Variants in PCDH17 observed in about 807,000 individuals in gnomAD.
PCDH17 encodes protocadherin-17.
In PCDH17, 21 loss-of-function variants were observed where a neutral mutation model predicts 67.7. That is an observed-to-expected ratio of 0.31 (90% CI 0.22 to 0.45). The LOEUF (loss-of-function observed/expected upper bound fraction) is 0.45. Among genes scored for constraint, PCDH17 ranks in the 20% least tolerant of loss-of-function variants. The pLI is 1.00. For synonymous variants in PCDH17, 701 were observed against 656.7 expected (o/e 1.07, Z -1.03); for missense variants, 1,471 against 1,564.8 (o/e 0.94, Z 1.01).
intron 3 of PCDH17, among the ~76,000 whole-genome samples, chr13:57,706,415 T>TGA (rs1955721945): frequency 6.6e-6 from 1 of 152,218 alleles, no homozygotes; most frequent in Non-Finnish European, 1.5e-5. Context: ...AGCAGTGTTT[T>TGA]TATTGCTATG....
At chr13:57,701,694 G>A (rs772201651) in intron 3 of PCDH17, among the ~76,000 whole-genome samples, 2 of 152,048 alleles carry the variant, frequency 1.3e-5, no homozygotes, top group African/African-American at 2.4e-5. Flanking sequence ...AGAGAAGTAT[G>A]GTGATAGGTG....
intron 1 of PCDH17, among the ~76,000 whole-genome samples, chr13:57,652,936 G>C (rs540067452): frequency 6.6e-6 from 1 of 152,066 alleles, no homozygotes; most frequent in Non-Finnish European, 1.5e-5. Flanking sequence ...CACTTTGGAG[G>C]AGAATTCTTT....
chr13:57,691,968 T>C (rs1955563491), intron 3 of PCDH17, among the ~76,000 whole-genome samples: 1 of 151,236 alleles, frequency 6.6e-6, no homozygotes, highest in South Asian at 2.1e-4. Context: ...GCTTATTAAA[T>C]TTTAATACAA....
Position 57,724,969 on chromosome 13 carries a change from G to T in PCDH17, c.3155G>T (p.Gly1052Val). Reference sequence around the variant, plus strand: ...ATCGAGCCTTGCACCTCAACAAAAGGCTCCCTGGATGGCTGTGAAGCAAAA... The same window carrying T: ...ATCGAGCCTTGCACCTCAACAAAAGTCTCCCTGGATGGCTGTGAAGCAAAA... ...ACIEPCTSTK[G>V]SLDGCEAKPG... Residue 1052 changes from glycine to valine, a missense_variant, in exon 4 of 4, where the codon GGC (glycine) becomes GTC (valine). Physicochemically the swap from Gly to Val is moderately radical, Grantham distance 109. Transcript: ENST00000377918. 1.9e-6 allele frequency: 3 copies of T among 1,614,110 alleles called. No individual in the cohort carries two copies. The highest frequency in any genetic ancestry group is 2.5e-6 in the Non-Finnish European group (3 of 1,180,014).
intron 1 of PCDH17, among the ~76,000 whole-genome samples, chr13:57,664,919 A>G (rs1955231056): frequency 6.6e-6 from 1 of 152,192 alleles, no homozygotes; most frequent in South Asian, 2.1e-4. Context: ...ATATTTTGTC[A>G]TTATGGAAAC....
At chr13:57,684,332 A>C (rs1380555170) in intron 3 of PCDH17, among the ~76,000 whole-genome samples, 1 of 152,076 alleles carries the variant, frequency 6.6e-6, no homozygotes, top group South Asian at 2.1e-4. Context: ...ACATATATAT[A>C]AACACACATT....
At chr13:57,654,225 A>G (rs1428145943) in intron 1 of PCDH17, among the ~76,000 whole-genome samples, 2 of 152,136 alleles carry the variant, frequency 1.3e-5, no homozygotes, top group African/African-American at 4.8e-5. Context: ...TTTGTGGTTC[A>G]TGAAATTCTC....
chr13:57,709,166 G>A (rs1380073910), intron 3 of PCDH17, among the ~76,000 whole-genome samples: 1 of 151,258 alleles, frequency 6.6e-6, no homozygotes, highest in Non-Finnish European at 1.5e-5. Flanking sequence ...TTAGGTGACT[G>A]AGTAAAGGGC....
upstream of PCDH17, among the ~76,000 whole-genome samples, chr13:57,630,757 T>A (rs1450091917): frequency 6.6e-6 from 1 of 152,166 alleles, no homozygotes; most frequent in Admixed American, 6.5e-5. Flanking sequence ...TTCTATAGAC[T>A]GAGTCAGAGA....
At chr13:57,657,768 T>G (rs1955126138) in intron 1 of PCDH17, among the ~76,000 whole-genome samples, 1 of 152,218 alleles carries the variant, frequency 6.6e-6, no homozygotes, top group Non-Finnish European at 1.5e-5. Context: ...TTTTTCAAAA[T>G]TTTATTTCTG....
chr13:57,681,460 C>T (rs1326305303), intron 3 of PCDH17, among the ~76,000 whole-genome samples: 1 of 151,640 alleles, frequency 6.6e-6, no homozygotes, highest in Non-Finnish European at 1.5e-5. Flanking sequence ...ACTCCTGAGA[C>T]TCATATCTGG....
chr13:57,698,679 T>G (rs1955634205), intron 3 of PCDH17, among the ~76,000 whole-genome samples: 1 of 126,750 alleles, frequency 7.9e-6, no homozygotes, highest in African/African-American at 3.1e-5. Context: ...CCAACATATT[T>G]TCTCTCACTC....
At chr13:57,681,823 C>A (rs538908550) in intron 3 of PCDH17, among the ~76,000 whole-genome samples, 2 of 151,782 alleles carry the variant, frequency 1.3e-5, no homozygotes, top group Middle Eastern at 6.8e-3. Flanking sequence ...TAAATAAGAT[C>A]ACTTTTTATT....
intron 1 of PCDH17, among the ~76,000 whole-genome samples, chr13:57,638,298 G>A (rs1954849457): frequency 6.6e-6 from 1 of 152,032 alleles, no homozygotes; most frequent in South Asian, 2.1e-4. Context: ...AAGAATAACT[G>A]CTTATCGTGA....
chr13:57,633,362 A>G lies in PCDH17; in HGVS notation c.816A>G (p.Glu272=), dbSNP rs1954759481. The G allele has an allele frequency of 2.5e-6, 4 of 1,613,252 alleles. No homozygotes were observed. Among genetic ancestry groups the G allele is most frequent in the Non-Finnish European group, 3.4e-6 (4 of 1,180,002 alleles). ...ATCTGAACGCCACCGACGCCGATGAAGGTCCCAATGGTGAAGTGCTCTACT... is the reference window on the plus strand; with the variant it reads ...ATCTGAACGCCACCGACGCCGATGAGGGTCCCAATGGTGAAGTGCTCTACT... ...VIDLNATDAD[E]GPNGEVLYSF... is the part of the protein sequence containing the mutation. The change falls in exon 1 of 4, where the codon GAA becomes GAG. Residue 272 remains glutamate, a synonymous_variant. Transcript: ENST00000377918. The surrounding 1 kb of genome is among the most constrained non-coding windows in gnomAD (Gnocchi z 6.2).
In PCDH17 at chr13:57,633,478, A is replaced by G; in HGVS notation, c.932A>G (p.Tyr311Cys). 1.2e-6 allele frequency: 2 copies of G among 1,613,810 alleles called. No homozygotes were observed. The highest frequency in any genetic ancestry group is 1.7e-6 in the Non-Finnish European group (2 of 1,180,010). The stretch of plus-strand genomic sequence containing the variant: ...ATCCGTGTGAAGGGCAATCTGGACT[A>G]TGAGGAAAACGGGATGCTGGAGATT... Reference protein sequence around the residue: ...GLIRVKGNLDYEENGMLEIDV... With the variant: ...GLIRVKGNLDCEENGMLEIDV... Residue 311 changes from tyrosine to cysteine, a missense_variant, in exon 1 of 4, where the codon TAT becomes TGT. Around this residue, in one of 3 missense-constraint regions of PCDH17, gnomAD observed 1,163 missense variants for 1,230.0 expected, o/e 0.95. Transcript: ENST00000377918. This position sits in a 1 kb window ranked among gnomAD's most constrained non-coding sequence, Gnocchi z 6.2.
Position 57,632,780 on chromosome 13 carries a change from C to G in PCDH17, c.234C>G (p.Asp78Glu). Residue 78 changes from aspartate (D) to glutamate (E), a missense_variant, in exon 1 of 4, where the codon GAC (aspartate) becomes GAG (glutamate). This residue lies in a region of PCDH17 where 1,163 missense variants were observed against 1,230.0 expected (regional missense o/e 0.95). Coordinates refer to ENST00000377918, the MANE Select transcript of PCDH17 (RefSeq NM_001040429.3). ...ENSAPHLLDV[D>E]ADSGLLYTKQ... Reference sequence around the variant, plus strand: ...CCGCACCGCACCTGCTGGACGTGGACGCAGACAGCGGGCTCCTCTACACCA... The same window carrying G: ...CCGCACCGCACCTGCTGGACGTGGAGGCAGACAGCGGGCTCCTCTACACCA... 1.2e-6 allele frequency: 2 copies of G among 1,613,128 alleles called. No individual in the cohort carries two copies. The highest frequency in any genetic ancestry group is 2.7e-5 in the African/African-American group (2 of 75,038).
chr13:57,687,004 CTAAG>C (rs1442428522), intron 3 of PCDH17, among the ~76,000 whole-genome samples: 4 of 151,944 alleles, frequency 2.6e-5, no homozygotes, highest in Admixed American at 2.6e-4. Flanking sequence ...AAATGCATAA[CTAAG>C]TATTAGAAGT....
chr13:57,696,834 A>G (rs1217429670), intron 3 of PCDH17, among the ~76,000 whole-genome samples: 1 of 151,504 alleles, frequency 6.6e-6, no homozygotes, highest in Non-Finnish European at 1.5e-5. Flanking sequence ...TGAAATTGCT[A>G]AAGTTTTTGT....
Sources: gnomAD v4.1 joint callset for allele counts (sites outside exome capture counted in the v4.1 genomes callset) on GRCh38, gnomAD v4.1.1 for gene constraint, gnomAD v4.1.1 regional missense constraint, Gnocchi (gnomAD v3.1) non-coding constraint, MANE v1.5 for transcripts, NCBI Gene and HGNC (gene_info 2026-07-23, HGNC 2026-07-21) for gene names.